The following RASA3 variants were observed in gnomAD, a reference collection of about 807,000 sequenced individuals.
The protein encoded by RASA3 is ras GTPase-activating protein 3.
RASA3 carries 73 observed loss-of-function variants against 110.0 expected under a neutral mutation model. The observed-to-expected ratio is 0.66, with a 90% CI of 0.55 to 0.81. The LOEUF (loss-of-function observed/expected upper bound fraction) is 0.81. Ranked by LOEUF, RASA3 falls within the 30% of genes least tolerant of loss-of-function variation. The pLI, the probability that RASA3 is intolerant of heterozygous loss-of-function variation, is 0.00. For missense variants in RASA3, 976 were observed against 1,113.2 expected (o/e 0.88, Z 1.75); for synonymous variants, 500 against 451.4 (o/e 1.11, Z -1.37).
intron 9 of RASA3, among the ~76,000 whole-genome samples, chr13:114,020,625 G>A (rs571231183): frequency 2.6e-5 from 4 of 152,184 alleles, no homozygotes; most frequent in Non-Finnish European, 5.9e-5. Context: ...GCTGCCTGTC[G>A]CTAAGGGACA....
chr13:114,067,649 G>A lies in RASA3; in HGVS notation c.173+6071C>T, dbSNP rs576122119. On this transcript the variant is annotated intron_variant, in intron 2 of 23. Transcript: ENST00000334062. ...TCTACTACACAAAAGTACTATTTTG[G>A]GGGTGATTTACATCTTGCAGTATGA... Among the ~76,000 whole-genome samples the A allele has an allele frequency of 3.3e-5, 5 of 152,208 alleles. No homozygotes were observed. In the South Asian group the frequency reaches 1.0e-3, roughly 32 times the overall value.
chr13:114,017,861 C>T (rs1365601818), intron 11 of RASA3, among the ~76,000 whole-genome samples: 1 of 151,782 alleles, frequency 6.6e-6, no homozygotes, highest in African/African-American at 2.4e-5. Flanking sequence ...CCTCGAGCCC[C>T]AGGAGCCGTT....
At chr13:114,076,050 C>T (rs747700622) in intron 1 of RASA3, among the ~76,000 whole-genome samples, 5 of 152,184 alleles carry the variant, frequency 3.3e-5, no homozygotes, top group Non-Finnish European at 7.3e-5. Flanking sequence ...CAGCAGCACC[C>T]GCTGCTGCCC....
At chr13:113,997,040 GA>G (rs1169734320) in intron 20 of RASA3, among the ~76,000 whole-genome samples, 1 of 152,222 alleles carries the variant, frequency 6.6e-6, no homozygotes, top group Non-Finnish European at 1.5e-5. Flanking sequence ...TTATGTCCTG[GA>G]GCCTTGGAGG....
intron 18 of RASA3, among the ~76,000 whole-genome samples, chr13:114,004,624 T>C (rs1482463816): frequency 6.6e-6 from 1 of 152,000 alleles, no homozygotes; most frequent in Non-Finnish European, 1.5e-5. Flanking sequence ...TGGGATCAAA[T>C]AAAACACGGA....
At chr13:114,073,576 T>G in intron 2 of RASA3, 144 bp downstream of exon 2, 1 of 724,574 alleles carries the variant, frequency 1.4e-6, no homozygotes, top group South Asian at 1.6e-5. Context: ...AAAAATTCCC[T>G]ACATGCGGGA....
chr13:114,076,411 C>G (rs1223735533), intron 1 of RASA3, among the ~76,000 whole-genome samples: 1 of 152,204 alleles, frequency 6.6e-6, no homozygotes, highest in Admixed American at 6.5e-5. Flanking sequence ...GCACCTGGCT[C>G]CAGGCCAGGC....
intron 3 of RASA3, among the ~76,000 whole-genome samples, chr13:114,045,029 G>A (rs1224919336): frequency 6.6e-6 from 1 of 152,148 alleles, no homozygotes; most frequent in Non-Finnish European, 1.5e-5. Context: ...CCTTCGAGAA[G>A]GGATCCCTGC....
At chr13:114,128,783 C>G (rs2080481981) in intron 1 of RASA3, among the ~76,000 whole-genome samples, 1 of 152,246 alleles carries the variant, frequency 6.6e-6, no homozygotes, top group African/African-American at 2.4e-5. Context: ...AGGGAGCGAC[C>G]AGAGAGCCAC....
rs2079266957 is a variant in RASA3, at chr13:114,057,627, C to T, written c.174-5472G>A. Among the ~76,000 whole-genome samples the T allele has an allele frequency of 6.6e-6, 1 of 152,196 alleles. No homozygotes were observed. Among genetic ancestry groups the T allele is most frequent in the African/African-American group, 2.4e-5 (1 of 41,434 alleles). On this transcript the variant is annotated intron_variant, in intron 2 of 23. Transcript: ENST00000334062. The surrounding 1 kb of genome is among the most constrained non-coding windows in gnomAD (Gnocchi z 5.0). The stretch of plus-strand genomic sequence containing the variant: ...AGAGCCAGCCTGACACCCAAGGCCA[C>T]GATGCCATAGCCAGGGAGCCCTGAA...
intron 2 of RASA3, among the ~76,000 whole-genome samples, chr13:114,053,470 C>T (rs1002382222): frequency 3.3e-5 from 5 of 152,222 alleles, no homozygotes; most frequent in Admixed American, 6.5e-5. Context: ...CTTTCATGCA[C>T]ATTGATGCTA....
intron 11 of RASA3, 23 bp downstream of exon 11, chr13:114,018,081 C>T (rs1301673259): frequency 1.6e-5 from 24 of 1,496,700 alleles, no homozygotes; most frequent in Non-Finnish European, 2.0e-5. Context: ...GCCGCTCTCC[C>T]CCGGGGCAGG....
At chr13:114,082,235 C>G (rs971831190) in intron 1 of RASA3, among the ~76,000 whole-genome samples, 1 of 152,220 alleles carries the variant, frequency 6.6e-6, no homozygotes, top group Non-Finnish European at 1.5e-5. Flanking sequence ...ACGTCCACGT[C>G]TGAGACAAAG....
intron 1 of RASA3, among the ~76,000 whole-genome samples, chr13:114,094,591 T>C (rs2079922017): frequency 6.6e-6 from 1 of 152,220 alleles, no homozygotes; most frequent in Admixed American, 6.5e-5. Flanking sequence ...GAATTTCATG[T>C]TATGTGTATT....
chr13:114,132,062 C>A, intron 1 of RASA3, among the ~76,000 whole-genome samples: 1 of 152,228 alleles, frequency 6.6e-6, no homozygotes, highest in South Asian at 2.1e-4. Context: ...AGTGCAGGCG[C>A]CCAGACAGCC....
rs954010713 is a variant in RASA3 at position 114,045,630 on chromosome 13, CA to C, written c.278-4537del. 3.9e-3 allele frequency among the ~76,000 whole-genome samples: 584 copies of C among 151,330 alleles called. 4 individuals are homozygous for C. The highest frequency in any genetic ancestry group is 0.027 in the Middle Eastern group (8 of 294). On this transcript the variant is annotated intron_variant, in intron 3 of 23. Transcript: ENST00000334062. Reference sequence around the variant, plus strand: ...TAAAAGCCTTTATTCATAGAATGTACAAAAAAAAATCTACAGGCAAAGCTAA... The same window carrying C: ...TAAAAGCCTTTATTCATAGAATGTACAAAAAAAATCTACAGGCAAAGCTAA...
At position 114,013,244 on chromosome 13, in the gene RASA3, G is replaced by C; in HGVS notation, c.1410C>G (p.Asp470Glu). 1 of 1,610,942 alleles carries C rather than the reference G, an allele frequency of 6.2e-7. No individual in the cohort carries two copies. The highest frequency in any genetic ancestry group is 8.5e-7 in the Non-Finnish European group (1 of 1,178,742). ...TCACTGCAGTGTACCTGACGTCCGG[G>C]TCATCTGCGGGAGAGAGAAGCAGGG... Reference protein sequence around the residue: ...REAAAKRFQDDPDVRYTAVSS... With the variant: ...REAAAKRFQDEPDVRYTAVSS... Residue 470 changes from aspartate to glutamate, a missense_variant, in exon 15 of 24, where the codon GAC (aspartate) becomes GAG (glutamate). Around this residue, in one of 4 missense-constraint regions of RASA3, gnomAD observed 732 missense variants for 779.7 expected, o/e 0.94. Transcript: ENST00000334062.
At chr13:114,022,618 G>A (rs866976921) in intron 8 of RASA3, among the ~76,000 whole-genome samples, 6 of 152,212 alleles carry the variant, frequency 3.9e-5, no homozygotes, top group Non-Finnish European at 8.8e-5. Flanking sequence ...GGGGAGGGCT[G>A]ACAGGCTGCA....
chr13:114,009,824 T>C (rs1195121978), intron 16 of RASA3, among the ~76,000 whole-genome samples: 1 of 152,012 alleles, frequency 6.6e-6, no homozygotes, highest in East Asian at 1.9e-4. Context: ...TAGGCCAGGG[T>C]CCCAGAGCCC....
Sources: allele counts gnomAD v4.1 joint callset (sites outside exome capture counted in the v4.1 genomes callset), GRCh38; gene constraint gnomAD v4.1.1; regional missense constraint gnomAD v4.1.1; non-coding constraint Gnocchi (gnomAD v3.1); transcripts MANE v1.5; gene names NCBI Gene and HGNC (gene_info 2026-07-23, HGNC 2026-07-21).